CD38: variants seen among roughly 807,000 people sequenced by gnomAD.
CD38 encodes CD38 molecule.
Under a neutral mutation model 36.3 loss-of-function variants are expected in CD38, and 31 were observed. The observed-to-expected ratio is 0.85, with a 90% CI of 0.64 to 1.15. The LOEUF (loss-of-function observed/expected upper bound fraction) is 1.15. CD38 is among the 50% of genes most tolerant of loss of function. The pLI, the probability that CD38 is intolerant of heterozygous loss-of-function variation, is 0.00. For synonymous variants in CD38, 131 were observed against 135.2 expected (o/e 0.97, Z 0.22); for missense variants, 380 against 371.9 (o/e 1.02, Z -0.18).
chr4:15,823,115 A>G (rs1412851458), intron 2 of CD38, among the ~76,000 whole-genome samples: 1 of 152,216 alleles, frequency 6.6e-6, no homozygotes, highest in Non-Finnish European at 1.5e-5. Flanking sequence ...GTGCTTGAGA[A>G]CTACCTAGCC....
chr4:15,797,498 A>C (rs1271954557), intron 1 of CD38, among the ~76,000 whole-genome samples: 1 of 152,160 alleles, frequency 6.6e-6, no homozygotes, highest in Admixed American at 6.5e-5. Flanking sequence ...AGAATGACTA[A>C]AGTTCTGAGG....
chr4:15,788,929 CAG>C (rs761356237), intron 1 of CD38, among the ~76,000 whole-genome samples: 6 of 152,102 alleles, frequency 3.9e-5, no homozygotes, highest in African/African-American at 9.7e-5. Flanking sequence ...TTTTATCAGA[CAG>C]AAATTATTTG....
In CD38 at chr4:15,816,503, T is replaced by C; in HGVS notation, c.234-8T>C. 2 of 1,582,278 alleles carry C rather than the reference T, an allele frequency of 1.3e-6. No homozygotes were observed. The highest frequency in any genetic ancestry group is 1.7e-6 in the Non-Finnish European group (2 of 1,164,528). On this transcript the variant is annotated splice_region_variant and splice_polypyrimidine_tract_variant and intron_variant, in intron 1 of 7. Transcript: ENST00000226279. ...AATTTATGTTTTATTTTCTGTGTTT[T>C]ATCTCAGACATGTAGACTGCCAAAG... is the stretch of plus-strand genomic sequence containing the variant.
intron 1 of CD38, among the ~76,000 whole-genome samples, chr4:15,783,115 C>T (rs747606679): frequency 3.3e-5 from 5 of 152,160 alleles, no homozygotes; most frequent in African/African-American, 1.2e-4. Flanking sequence ...ACCAAGATGT[C>T]TCTGGGCACA....
At chr4:15,785,088 G>C (rs975988216) in intron 1 of CD38, among the ~76,000 whole-genome samples, 2 of 151,836 alleles carry the variant, frequency 1.3e-5, no homozygotes, top group Non-Finnish European at 2.9e-5. Context: ...ACCTGAGACA[G>C]ATTGAATGTG....
intron 1 of CD38, among the ~76,000 whole-genome samples, chr4:15,785,903 T>G (rs1249046241): frequency 6.6e-6 from 1 of 152,164 alleles, no homozygotes; most frequent in African/African-American, 2.4e-5. Context: ...TGTTCGGAGT[T>G]TCTTCCTTCT....
intron 1 of CD38, among the ~76,000 whole-genome samples, chr4:15,784,455 T>G (rs1722768306): frequency 6.6e-6 from 1 of 152,140 alleles, no homozygotes; most frequent in Non-Finnish European, 1.5e-5. Context: ...ACTAAACCCT[T>G]AAAGGTTTGG....
At chr4:15,783,278 G>A (rs190147382) in intron 1 of CD38, among the ~76,000 whole-genome samples, 1 of 152,278 alleles carries the variant, frequency 6.6e-6, no homozygotes, top group East Asian at 1.9e-4. Flanking sequence ...CCTGCAGGAG[G>A]GAATGGAGAG....
chr4:15,792,234 G>A (rs532227245), intron 1 of CD38, among the ~76,000 whole-genome samples: 2 of 105,720 alleles, frequency 1.9e-5, no homozygotes, highest in Admixed American at 8.9e-5. Flanking sequence ...CAGCATGCTC[G>A]TTAAGAGTCA....
intron 2 of CD38, among the ~76,000 whole-genome samples, chr4:15,823,772 A>G (rs1723788463): frequency 6.6e-6 from 1 of 152,228 alleles, no homozygotes; most frequent in Admixed American, 6.5e-5. Flanking sequence ...TCAAAGATCT[A>G]GAACTAGAAA....
intron 2 of CD38, among the ~76,000 whole-genome samples, chr4:15,823,830 C>G (rs1435171039): frequency 6.6e-6 from 1 of 151,984 alleles, no homozygotes; most frequent in African/African-American, 2.4e-5. Context: ...AGAAATCATT[C>G]TATTATAAAG....
intron 5 of CD38, among the ~76,000 whole-genome samples, chr4:15,839,415 CTTTTTTTT>C (rs560134404): frequency 3.5e-4 from 31 of 88,060 alleles, no homozygotes; most frequent in African/African-American, 5.5e-4. Flanking sequence ...TTCTACATTT[CTTTTTTTT>C]TTTTTTTTTT....
chr4:15,813,985 AATG>A (rs1395473631), intron 1 of CD38, among the ~76,000 whole-genome samples: 1 of 152,192 alleles, frequency 6.6e-6, no homozygotes, highest in Non-Finnish European at 1.5e-5. Flanking sequence ...TGCTGGGTCA[AATG>A]ATATTTCTGG....
chr4:15,819,927 C>T (rs111663562), intron 2 of CD38, among the ~76,000 whole-genome samples: 2,975 of 152,044 alleles, frequency 0.02, 95 homozygotes, highest in African/African-American at 0.068. Context: ...AAGATCAACC[C>T]CAAGACACAT....
At chr4:15,788,629 T>C (rs781668557) in intron 1 of CD38, among the ~76,000 whole-genome samples, 3 of 152,120 alleles carry the variant, frequency 2.0e-5, no homozygotes, top group Non-Finnish European at 2.9e-5. Flanking sequence ...CGGGGGTAGG[T>C]GTGTGCTGTG....
chr4:15,822,551 C>T (rs970765267), intron 2 of CD38, among the ~76,000 whole-genome samples: 8 of 152,048 alleles, frequency 5.3e-5, no homozygotes, highest in African/African-American at 9.6e-5. Context: ...ACCAACAACA[C>T]GCAAGCAGAG....
chr4:15,791,062 C>G, intron 1 of CD38, among the ~76,000 whole-genome samples: 1 of 133,112 alleles, frequency 7.5e-6, no homozygotes, highest in South Asian at 2.4e-4. Context: ...GGTCAGCCCC[C>G]CGCCCGGCCA....
At chr4:15,803,455 C>T (rs540051476) in intron 1 of CD38, among the ~76,000 whole-genome samples, 1 of 152,058 alleles carries the variant, frequency 6.6e-6, no homozygotes, top group Non-Finnish European at 1.5e-5. Flanking sequence ...TTTTTAAAAT[C>T]GGCAATTGAT....
At chr4:15,829,375 T>C (rs1191569365) in intron 3 of CD38, among the ~76,000 whole-genome samples, 1 of 152,242 alleles carries the variant, frequency 6.6e-6, no homozygotes, top group Non-Finnish European at 1.5e-5. Context: ...AACAATCCAA[T>C]TTTATTCTTT....
Sources: gnomAD v4.1 joint callset for allele counts (sites outside exome capture counted in the v4.1 genomes callset) on GRCh38, gnomAD v4.1.1 for gene constraint, MANE v1.5 for transcripts, NCBI Gene and HGNC (gene_info 2026-07-23, HGNC 2026-07-21) for gene names.